The following ARHGAP6 variants were observed in gnomAD, a reference collection of about 807,000 sequenced individuals.
ARHGAP6 encodes the protein Rho GTPase activating protein 6.
ARHGAP6 carries 16 observed loss-of-function variants against 55.7 expected under a neutral mutation model. The ratio of observed to expected loss-of-function variants is 0.29; its 90% CI spans 0.19 to 0.44. ARHGAP6 has a LOEUF of 0.44. Ranked by LOEUF, ARHGAP6 falls within the 20% of genes least tolerant of loss-of-function variation. The pLI, the probability that ARHGAP6 is intolerant of heterozygous loss-of-function variation, is 1.00. For synonymous variants in ARHGAP6, 382 were observed against 360.9 expected (o/e 1.06, Z -0.66); for missense variants, 698 against 808.9 (o/e 0.86, Z 1.66).
chrX:11,361,841 G>A (rs866778343), intron 1 of ARHGAP6, among the ~76,000 whole-genome samples: 23 of 111,832 alleles, frequency 2.1e-4, no homozygotes, highest in Non-Finnish European at 3.6e-4. Context: ...AAAAGTGGGC[G>A]AAGGATATGA....
At chrX:11,380,700 G>C (rs190636967) in intron 1 of ARHGAP6, among the ~76,000 whole-genome samples, 1 of 111,801 alleles carries the variant, frequency 8.9e-6, no homozygotes, top group African/African-American at 3.2e-5. Flanking sequence ...ATTTTGAGTA[G>C]CACTGGTTAG....
chrX:11,552,555 C>CATAT (rs59008705), intron 1 of ARHGAP6, among the ~76,000 whole-genome samples: 735 of 12,500 alleles, frequency 0.059, 61 homozygotes, highest in Middle Eastern at 0.083. Flanking sequence ...GAAAATGTGC[C>CATAT]ATATATATAT....
intron 1 of ARHGAP6, among the ~76,000 whole-genome samples, chrX:11,645,124 C>A (rs1403925628): frequency 1.8e-5 from 2 of 111,540 alleles, no homozygotes; most frequent in Non-Finnish European, 3.8e-5. Context: ...CTATGAAATT[C>A]TTAAACAGAC....
chrX:11,156,745 G>T (rs932377490), intron 9 of ARHGAP6, 119 bp from the exon 10 acceptor site: 1 of 540,677 alleles, frequency 1.8e-6, no homozygotes, highest in Non-Finnish European at 3.0e-6. Flanking sequence ...ACAGCAGAAT[G>T]ATTTGCTGGT....
chrX:11,237,425 G>C (rs887246916), intron 2 of ARHGAP6, among the ~76,000 whole-genome samples: 11 of 111,697 alleles, frequency 9.8e-5, no homozygotes, highest in African/African-American at 3.3e-4. Context: ...TACATATCTA[G>C]AGTTCCAGCC....
intron 1 of ARHGAP6, among the ~76,000 whole-genome samples, chrX:11,606,572 T>C (rs1460675781): frequency 9.0e-6 from 1 of 111,441 alleles, no homozygotes; most frequent in Non-Finnish European, 1.9e-5. Context: ...ACATCATTAG[T>C]TAAAGTGAAA....
At chrX:11,232,594 C>T (rs1282039442) in intron 2 of ARHGAP6, among the ~76,000 whole-genome samples, 2 of 111,681 alleles carry the variant, frequency 1.8e-5, no homozygotes, top group Admixed American at 9.5e-5. Flanking sequence ...GATCATGCCA[C>T]TGCACTCCAG....
intron 2 of ARHGAP6, among the ~76,000 whole-genome samples, chrX:11,234,440 A>G (rs150861370): frequency 1.1e-3 from 121 of 112,399 alleles, no homozygotes; most frequent in African/African-American, 3.0e-3. Context: ...TTCCATTGCC[A>G]ATGTTTGTTT....
intron 2 of ARHGAP6, among the ~76,000 whole-genome samples, chrX:11,241,446 T>C (rs1247202312): frequency 3.6e-5 from 4 of 110,188 alleles, no homozygotes; most frequent in African/African-American, 1.3e-4. Context: ...AAAATAATAA[T>C]TGTGGAAGAA....
intron 1 of ARHGAP6, among the ~76,000 whole-genome samples, chrX:11,261,158 T>C (rs1399975601): frequency 2.7e-5 from 3 of 111,645 alleles, no homozygotes; most frequent in African/African-American, 9.8e-5. Context: ...AATAAACCAT[T>C]AAGAGACAGT....
At chrX:11,580,851 G>C (rs767942141) in intron 1 of ARHGAP6, among the ~76,000 whole-genome samples, 2 of 111,993 alleles carry the variant, frequency 1.8e-5, no homozygotes, top group Non-Finnish European at 3.8e-5. Context: ...GCTTTTCTGA[G>C]TAATACATAA....
chrX:11,428,149 G>A (rs989872761), intron 1 of ARHGAP6, among the ~76,000 whole-genome samples: 1 of 112,580 alleles, frequency 8.9e-6, no homozygotes, highest in African/African-American at 3.2e-5. Context: ...AAGGAGGTGT[G>A]GGCCTGACAG....
At chrX:11,145,575 C>T (rs1237553823) in intron 10 of ARHGAP6, among the ~76,000 whole-genome samples, 1 of 112,119 alleles carries the variant, frequency 8.9e-6, no homozygotes, top group Admixed American at 9.4e-5. Context: ...TCCAGGTCTG[C>T]AAGATCTCAT....
At chrX:11,243,845 T>C (rs1056415498) in intron 2 of ARHGAP6, among the ~76,000 whole-genome samples, 3 of 112,358 alleles carry the variant, frequency 2.7e-5, no homozygotes, top group Non-Finnish European at 5.6e-5. Context: ...CCTACAGTGT[T>C]CAGTACAGGA....
intron 1 of ARHGAP6, among the ~76,000 whole-genome samples, chrX:11,586,716 T>C (rs1184028208): frequency 1.8e-5 from 2 of 112,050 alleles, no homozygotes; most frequent in African/African-American, 6.5e-5. Context: ...AAGAATGCCA[T>C]TGGTAGTTTG....
chrX:11,503,661 C>T (rs1049245622), intron 1 of ARHGAP6, among the ~76,000 whole-genome samples: 4 of 111,539 alleles, frequency 3.6e-5, no homozygotes, highest in African/African-American at 1.3e-4. Context: ...TCGATGGAAA[C>T]GTTCTTTCTC....
chrX:11,214,986 C>T (rs1044988402), intron 2 of ARHGAP6, among the ~76,000 whole-genome samples: 4 of 113,408 alleles, frequency 3.5e-5, no homozygotes, highest in Non-Finnish European at 7.5e-5. Flanking sequence ...GTGTCGTTGT[C>T]TGGGGCCTGA....
intron 1 of ARHGAP6, among the ~76,000 whole-genome samples, chrX:11,461,496 A>G (rs2050244638): frequency 8.9e-6 from 1 of 111,767 alleles, no homozygotes; most frequent in African/African-American, 3.3e-5. Flanking sequence ...TGTCACTTCT[A>G]TCCCCCAAGT....
At chrX:11,357,779 T>C (rs1031959674) in intron 1 of ARHGAP6, among the ~76,000 whole-genome samples, 5 of 111,906 alleles carry the variant, frequency 4.5e-5, no homozygotes, top group African/African-American at 9.7e-5. Flanking sequence ...ACTAGGGATA[T>C]AGCGATTTAC....
Sources: allele counts gnomAD v4.1 joint callset (sites outside exome capture counted in the v4.1 genomes callset), GRCh38; gene constraint gnomAD v4.1.1; transcripts MANE v1.5; gene names NCBI Gene and HGNC (gene_info 2026-07-23, HGNC 2026-07-21).